GALNTL6: variants seen among roughly 807,000 people sequenced by gnomAD.
The protein encoded by GALNTL6 is polypeptide N-acetylgalactosaminyltransferase-like 6.
A neutral mutation model predicts 73.7 loss-of-function variants in GALNTL6; 46 were observed. The ratio of observed to expected loss-of-function variants is 0.62; its 90% CI spans 0.49 to 0.80. The LOEUF (loss-of-function observed/expected upper bound fraction) is 0.80, where lower values mean the gene tolerates loss of function less well. GALNTL6 is among the 30% of genes least tolerant of loss of function. The pLI is 0.00. For synonymous variants in GALNTL6, 259 were observed against 263.7 expected (o/e 0.98, Z 0.17); for missense variants, 604 against 755.0 (o/e 0.80, Z 2.34).
At chr4:171,935,071 T>TCCC (rs1345354371) in intron 2 of GALNTL6, among the ~76,000 whole-genome samples, 1 of 152,122 alleles carries the variant, frequency 6.6e-6, no homozygotes, top group Non-Finnish European at 1.5e-5. Flanking sequence ...CTGTATCACT[T>TCCC]TTTTTTGCAG....
intron 5 of GALNTL6, among the ~76,000 whole-genome samples, chr4:172,445,929 C>G (rs1732004282): frequency 6.6e-6 from 1 of 152,126 alleles, no homozygotes; most frequent in African/African-American, 2.4e-5. Context: ...CCAGCAGACA[C>G]TTGCTGAGTA....
intron 2 of GALNTL6, among the ~76,000 whole-genome samples, chr4:172,206,844 G>T (rs536448976): frequency 8.7e-6 from 1 of 114,934 alleles, no homozygotes; most frequent in Non-Finnish European, 1.7e-5. Context: ...TTGAGACGGA[G>T]TCTCACTCTG....
At chr4:172,869,847 T>C (rs1744834363) in intron 7 of GALNTL6, among the ~76,000 whole-genome samples, 1 of 152,126 alleles carries the variant, frequency 6.6e-6, no homozygotes, top group South Asian at 2.1e-4. Flanking sequence ...ATGCATAAAC[T>C]AATCAATACA....
At chr4:172,396,464 C>A (rs1248963896) in intron 5 of GALNTL6, among the ~76,000 whole-genome samples, 2 of 152,018 alleles carry the variant, frequency 1.3e-5, no homozygotes, top group Non-Finnish European at 2.9e-5. Context: ...CTCAGCAACC[C>A]ATAGCTGTAG....
chr4:172,193,495 A>C (rs573190365), intron 2 of GALNTL6, among the ~76,000 whole-genome samples: 1 of 152,278 alleles, frequency 6.6e-6, no homozygotes, highest in South Asian at 2.1e-4. Context: ...CAACAACATC[A>C]ACAAAAAATA....
chr4:172,830,446 TGC>T (rs1171833881), intron 7 of GALNTL6, among the ~76,000 whole-genome samples: 4 of 95,370 alleles, frequency 4.2e-5, no homozygotes, highest in South Asian at 3.5e-4. Context: ...ATACTGCCAC[TGC>T]CACCTTCTGG....
intron 3 of GALNTL6, among the ~76,000 whole-genome samples, chr4:172,241,658 C>A (rs1481234692): frequency 6.6e-6 from 1 of 152,124 alleles, no homozygotes; most frequent in Non-Finnish European, 1.5e-5. Context: ...GAGAGGTAAA[C>A]CAAATGTTAA....
At chr4:172,651,938 G>A (rs1413244538) in intron 5 of GALNTL6, among the ~76,000 whole-genome samples, 1 of 152,144 alleles carries the variant, frequency 6.6e-6, no homozygotes, top group African/African-American at 2.4e-5. Flanking sequence ...AAAGACCAGA[G>A]ACATAAAGAG....
intron 2 of GALNTL6, among the ~76,000 whole-genome samples, chr4:172,136,906 A>C (rs569532645): frequency 2.0e-5 from 3 of 152,188 alleles, no homozygotes; most frequent in Non-Finnish European, 2.9e-5. Flanking sequence ...AATTAAAAGT[A>C]AATAATTAGT....
At chr4:172,468,624 A>T (rs1732928241) in intron 5 of GALNTL6, among the ~76,000 whole-genome samples, 1 of 152,204 alleles carries the variant, frequency 6.6e-6, no homozygotes, top group African/African-American at 2.4e-5. Flanking sequence ...CTCCTATAAT[A>T]GTCCTACTGT....
chr4:171,934,795 T>A (rs907214319), intron 2 of GALNTL6, among the ~76,000 whole-genome samples: 2 of 152,162 alleles, frequency 1.3e-5, no homozygotes, highest in South Asian at 4.1e-4. Context: ...AATACTACAG[T>A]TTCTGTTAAT....
intron 5 of GALNTL6, among the ~76,000 whole-genome samples, chr4:172,730,862 C>G (rs536971475): frequency 6.6e-6 from 1 of 151,974 alleles, no homozygotes; most frequent in Non-Finnish European, 1.5e-5. Flanking sequence ...GGGCGGATCA[C>G]GAGGTCAGGA....
At chr4:172,714,536 A>G (rs189443206) in intron 5 of GALNTL6, among the ~76,000 whole-genome samples, 29 of 152,308 alleles carry the variant, frequency 1.9e-4, no homozygotes, top group Admixed American at 1.4e-3. Context: ...ACTCTAAGAA[A>G]AAAACTTGCT....
chr4:172,092,878 T>C (rs1487052239), intron 2 of GALNTL6, among the ~76,000 whole-genome samples: 12 of 147,610 alleles, frequency 8.1e-5, no homozygotes, highest in Admixed American at 2.0e-4. Context: ...TTCTTTTCTT[T>C]TTTTTTTTTT....
At chr4:172,907,344 C>T (rs993109516) in intron 8 of GALNTL6, among the ~76,000 whole-genome samples, 12 of 152,024 alleles carry the variant, frequency 7.9e-5, no homozygotes, top group African/African-American at 2.7e-4. Context: ...TATAAATACT[C>T]ATACTGAAAA....
At chr4:172,464,498 A>C (rs1407797184) in intron 5 of GALNTL6, among the ~76,000 whole-genome samples, 1 of 152,072 alleles carries the variant, frequency 6.6e-6, no homozygotes, top group South Asian at 2.1e-4. Context: ...ACCTGAGGTC[A>C]GGAGTTCAAG....
intron 7 of GALNTL6, among the ~76,000 whole-genome samples, chr4:172,872,236 TAGGAAGCAATTATGTGATCGTC>T (rs1744985269): frequency 6.6e-6 from 1 of 152,230 alleles, no homozygotes; most frequent in African/African-American, 2.4e-5. Flanking sequence ...AGAACAGAAA[TAGGAAGCAATTATGTGATCGTC>T]AGGGCGGGGG....
chr4:172,789,970 A>G (rs1012882391), intron 5 of GALNTL6, among the ~76,000 whole-genome samples: 3 of 152,264 alleles, frequency 2.0e-5, no homozygotes, highest in Non-Finnish European at 4.4e-5. Context: ...GCACTATGCT[A>G]TGGAAATAAA....
intron 2 of GALNTL6, among the ~76,000 whole-genome samples, chr4:171,833,743 T>G (rs1196780953): frequency 6.6e-6 from 1 of 151,878 alleles, no homozygotes; most frequent in Non-Finnish European, 1.5e-5. Flanking sequence ...CTTTGAGCTA[T>G]GGAATAAACT....
Sources: gnomAD v4.1 joint callset for allele counts (sites outside exome capture counted in the v4.1 genomes callset) on GRCh38, gnomAD v4.1.1 for gene constraint, MANE v1.5 for transcripts, NCBI Gene and HGNC (gene_info 2026-07-23, HGNC 2026-07-21) for gene names.